The following CDC14B variants were observed in gnomAD, a reference collection of about 807,000 sequenced individuals.
The protein encoded by CDC14B is cell division cycle 14B.
A neutral mutation model predicts 64.2 loss-of-function variants in CDC14B; 22 were observed. The observed-to-expected ratio is 0.34, with a 90% confidence interval of 0.24 to 0.49. CDC14B has a LOEUF of 0.49. Ranked by LOEUF, CDC14B falls within the 20% of genes least tolerant of loss-of-function variation. The pLI, the probability that CDC14B is intolerant of heterozygous loss-of-function variation, is 0.99. For synonymous variants in CDC14B, 191 were observed against 215.8 expected, an observed-to-expected ratio of 0.89 and a Z score of 1.01; for missense variants, 498 against 629.9, an observed-to-expected ratio of 0.79 and a Z score of 2.24.
chr9:96,493,088 A>C (rs554370515), exon 14 of CDC14B: 64 of 152,396 alleles, frequency 4.2e-4, no homozygotes, highest in African/African-American at 1.5e-3. Flanking sequence ...CTTCACGGGA[A>C]GGAGACTGCT....
chr9:96,602,299 T>G lies in CDC14B; in HGVS notation c.160+16920A>C, dbSNP rs565507217. On this transcript the variant is annotated intron_variant, in intron 1 of 13. Transcript: ENST00000375241. ...CTCATCAGCCCATGTCCCCAAGCAGTCACAACAAGCACAGTTCCCTGCTGA... is the reference window on the plus strand; with the variant it reads ...CTCATCAGCCCATGTCCCCAAGCAGGCACAACAAGCACAGTTCCCTGCTGA... Among the ~76,000 whole-genome samples, 15 of 152,162 alleles carry G rather than the reference T, an allele frequency of 9.9e-5. No homozygotes were observed. The South Asian group carries it at 3.1e-3, about 32-fold the overall frequency.
At chr9:96,561,686 A>C (rs1843225631) in intron 4 of CDC14B, among the ~76,000 whole-genome samples, 1 of 150,320 alleles carries the variant, frequency 6.7e-6, no homozygotes, top group South Asian at 2.1e-4. Context: ...ACAGGGTTTC[A>C]CCATGTTAAC....
chr9:96,574,375 G>C (rs1408459650), intron 1 of CDC14B, among the ~76,000 whole-genome samples: 1 of 151,886 alleles, frequency 6.6e-6, no homozygotes, highest in African/African-American at 2.4e-5. Context: ...TTGGGTGTGG[G>C]GGAGGGAAGA....
intron 13 of CDC14B, chr9:96,493,298 T>C (rs1833134552): frequency 6.6e-6 from 1 of 152,462 alleles, no homozygotes; most frequent in African/African-American, 2.4e-5. Context: ...TGGCTGCTGC[T>C]GTCTCCTCTC....
rs140419975 is a variant in CDC14B at position 96,612,163 on chromosome 9, G to A, written c.160+7056C>T. ...ATCACCACGGCACCAAACCTCCTCCGCTGCTCTGACAAATACAGAGCCAGC... is the reference window on the plus strand; with the variant it reads ...ATCACCACGGCACCAAACCTCCTCCACTGCTCTGACAAATACAGAGCCAGC... On this transcript the variant is annotated intron_variant, in intron 1 of 13. Transcript: ENST00000375241. Among the ~76,000 whole-genome samples, 1,185 of 152,234 alleles carry A rather than the reference G, an allele frequency of 7.8e-3. 17 individuals are homozygous for A. The highest frequency in any genetic ancestry group is 0.027 in the African/African-American group (1,127 of 41,544).
intron 1 of CDC14B, among the ~76,000 whole-genome samples, chr9:96,614,270 A>G (rs1847493697): frequency 6.6e-6 from 1 of 150,610 alleles, no homozygotes; most frequent in Non-Finnish European, 1.5e-5. Context: ...GAGTTTCACT[A>G]TGTCTCTTTT....
intron 7 of CDC14B, among the ~76,000 whole-genome samples, chr9:96,537,094 A>C (rs970659349): frequency 8.6e-5 from 13 of 152,006 alleles, no homozygotes; most frequent in African/African-American, 2.9e-4. Context: ...GTTTGTGACC[A>C]GGCTGGGAAA....
chr9:96,494,443 C>T lies in CDC14B; in HGVS notation c.*81-1191G>A, dbSNP rs377346485. On this transcript the variant is annotated intron_variant and NMD_transcript_variant, in intron 13 of 13. Coordinates refer to the CDC14B transcript ENST00000474602. ...ACGCTCAGGTATTCTCCATGTAAAC[C>T]GGATGGGACTAAAACTTGGCTCCCT... 1.7e-4 allele frequency among the ~76,000 whole-genome samples: 26 copies of T among 152,334 alleles called. No individual in the cohort carries two copies. The South Asian group carries it at 3.1e-3, about 18-fold the overall frequency.
chr9:96,583,338 C>T (rs1054871772), intron 1 of CDC14B, among the ~76,000 whole-genome samples: 1 of 150,912 alleles, frequency 6.6e-6, no homozygotes, highest in Non-Finnish European at 1.5e-5. Flanking sequence ...ATGCGTAAAC[C>T]GGCGCCACCC....
chr9:96,541,716 G>T, intron 6 of CDC14B, 110 bp downstream of exon 6: 1 of 606,572 alleles, frequency 1.6e-6, no homozygotes, highest in East Asian at 3.0e-5. Context: ...GTCACCATAG[G>T]CATCTTGGAA....
intron 1 of CDC14B, chr9:96,567,081 C>T (rs571574535): frequency 2.2e-6 from 2 of 895,504 alleles, no homozygotes; most frequent in South Asian, 3.8e-5. Flanking sequence ...TCTTTCCCCC[C>T]GCCTGGCCGC....
At chr9:96,613,578 A>T (rs1254267111) in intron 1 of CDC14B, among the ~76,000 whole-genome samples, 1 of 152,242 alleles carries the variant, frequency 6.6e-6, no homozygotes, top group Non-Finnish European at 1.5e-5. Flanking sequence ...AACTAACATG[A>T]ATATCAGAAG....
At chr9:96,534,693 C>T in intron 7 of CDC14B, 151 bp from the exon 8 acceptor site, 1 of 617,948 alleles carries the variant, frequency 1.6e-6, no homozygotes, top group East Asian at 2.8e-5. Flanking sequence ...CTCAATTTGC[C>T]CTGCTATAAG....
chr9:96,551,951 C>G, intron 4 of CDC14B, 79 bp from the exon 5 acceptor site: 1 of 1,516,622 alleles, frequency 6.6e-7, no homozygotes, highest in Non-Finnish European at 8.8e-7. Flanking sequence ...TAAATTTTGT[C>G]CAATTTCCAA....
chr9:96,507,805 A>T (rs1358332441), intron 13 of CDC14B, among the ~76,000 whole-genome samples: 1 of 152,202 alleles, frequency 6.6e-6, no homozygotes, highest in African/African-American at 2.4e-5. Flanking sequence ...AAATAAGACG[A>T]TAAAAAAGAA....
At chr9:96,572,920 T>C (rs1844558585) in intron 1 of CDC14B, among the ~76,000 whole-genome samples, 1 of 152,190 alleles carries the variant, frequency 6.6e-6, no homozygotes, top group Non-Finnish European at 1.5e-5. Context: ...TAAGTGGAAG[T>C]GCTAGCTGAT....
chr9:96,563,448 C>T (rs16905621), intron 3 of CDC14B, among the ~76,000 whole-genome samples: 6,585 of 152,000 alleles, frequency 0.043, 444 homozygotes, highest in African/African-American at 0.15. Context: ...GTCAGGAGTT[C>T]GAGACCAGCC....
chr9:96,563,974 A>G (rs896660418), intron 3 of CDC14B, among the ~76,000 whole-genome samples: 6 of 152,246 alleles, frequency 3.9e-5, no homozygotes, highest in Non-Finnish European at 7.3e-5. Context: ...ATGGTCAAGG[A>G]AAAACATCTG....
rs73542447 is a variant in CDC14B, at chr9:96,516,790, T to A, written c.1343+5716A>T. Among the ~76,000 whole-genome samples, 356 of 152,070 alleles carry A rather than the reference T, an allele frequency of 2.3e-3. 1 individual carries two copies. Among genetic ancestry groups the A allele is most frequent in the African/African-American group, 8.2e-3 (339 of 41,526 alleles). ...CGCACCTGAGCTCTATTTTATTATT[T>A]ATTTATTTAATTTTTTTTGAGATGG... On this transcript the variant is annotated intron_variant, in intron 12 of 13. Transcript: ENST00000375241.
Sources: allele counts gnomAD v4.1 joint callset (sites outside exome capture counted in the v4.1 genomes callset), GRCh38; gene constraint gnomAD v4.1.1; transcripts MANE v1.5; gene names NCBI Gene and HGNC (gene_info 2026-07-23, HGNC 2026-07-21).